The following CLEC16A variants were observed in gnomAD, a reference collection of about 807,000 sequenced individuals.
The protein encoded by CLEC16A is C-type lectin domain containing 16A.
A neutral mutation model predicts 109.5 loss-of-function variants in CLEC16A; 51 were observed. That is an observed-to-expected ratio of 0.47 (90% confidence interval 0.37 to 0.59). CLEC16A has a LOEUF of 0.59. CLEC16A is among the 20% of genes least tolerant of loss of function. CLEC16A has a pLI of 0.00. For synonymous variants in CLEC16A, 673 were observed against 564.2 expected (o/e 1.19, Z -2.73); for missense variants, 1,339 against 1,394.0 (o/e 0.96, Z 0.63).
chr16:11,107,494 G>C (rs2051293695), intron 19 of CLEC16A, among the ~76,000 whole-genome samples: 1 of 152,210 alleles, frequency 6.6e-6, no homozygotes, highest in Non-Finnish European at 1.5e-5. Flanking sequence ...GGATTGATTT[G>C]ACTGTCAGGA....
intron 22 of CLEC16A, among the ~76,000 whole-genome samples, chr16:11,146,732 G>A (rs1039971974): frequency 2.8e-4 from 42 of 147,826 alleles, no homozygotes; most frequent in African/African-American, 9.2e-4. Context: ...GGATAGAGGT[G>A]CAGGAATGGA....
rs1197455241 is a variant in CLEC16A at position 11,043,987 on chromosome 16, A to G, written c.1771-41A>G. 4 of 1,560,720 alleles carry G rather than the reference A, an allele frequency of 2.6e-6. No individual in the cohort carries two copies. The South Asian group carries it at 3.6e-5, about 14-fold the overall frequency. On this transcript the variant is annotated intron_variant, in intron 15 of 23. Transcript: ENST00000409790. The stretch of plus-strand genomic sequence containing the variant: ...TAGTTTGCCCGACTTGCTCACCTAT[A>G]TGAGACCTGCCTCCTTCACACCTTC...
chr16:11,025,945 A>G (rs558543952), intron 13 of CLEC16A, among the ~76,000 whole-genome samples: 1 of 152,318 alleles, frequency 6.6e-6, no homozygotes, highest in East Asian at 1.9e-4. Context: ...TATTTGTATG[A>G]CTGCCCACTT....
At chr16:11,169,842 G>A (rs770103792) in intron 23 of CLEC16A, among the ~76,000 whole-genome samples, 2 of 152,226 alleles carry the variant, frequency 1.3e-5, no homozygotes, top group African/African-American at 2.4e-5. Flanking sequence ...TGCACCTGCT[G>A]TGTGGCGTCC....
intron 19 of CLEC16A, among the ~76,000 whole-genome samples, chr16:11,111,675 C>G (rs933679561): frequency 2.6e-5 from 4 of 152,216 alleles, no homozygotes; most frequent in African/African-American, 9.6e-5. Flanking sequence ...GAGAAGGTCT[C>G]AGATTCAGAC....
chr16:11,097,237 G>C (rs904060970), intron 19 of CLEC16A, among the ~76,000 whole-genome samples: 1 of 152,216 alleles, frequency 6.6e-6, no homozygotes, highest in Non-Finnish European at 1.5e-5. Flanking sequence ...GGCTGTCCCA[G>C]TGTGAGCAGC....
chr16:11,170,146 G>A (rs753490649), intron 23 of CLEC16A, among the ~76,000 whole-genome samples: 5 of 152,178 alleles, frequency 3.3e-5, no homozygotes, highest in African/African-American at 4.8e-5. Context: ...CCCGGGCCCC[G>A]ATCTGGATCC....
intron 10 of CLEC16A, among the ~76,000 whole-genome samples, chr16:10,998,952 C>T (rs545626382): frequency 1.3e-5 from 2 of 152,160 alleles, no homozygotes; most frequent in Admixed American, 1.3e-4. Context: ...TTCTACCAGC[C>T]TCTGCATGCT....
At chr16:10,975,674 G>A (rs142109278) in intron 7 of CLEC16A, among the ~76,000 whole-genome samples, 1 of 152,122 alleles carries the variant, frequency 6.6e-6, no homozygotes, top group Non-Finnish European at 1.5e-5. Flanking sequence ...TTGAGATGGA[G>A]TCTTGCTCTG....
In CLEC16A at chr16:11,070,369, C is replaced by CT. The variant is rs770922338; in HGVS notation, c.2116+9362dup. On this transcript the variant is annotated intron_variant, in intron 19 of 23. Transcript: ENST00000409790. ...ACAGGCGTGAGCCACTGCACCCGGC[C>CT]TTTTTTTTTTTTTTTAAGCTAGAGA... is the stretch of plus-strand genomic sequence containing the variant. Among the ~76,000 whole-genome samples, 334 of 142,540 alleles carry CT rather than the reference C, an allele frequency of 2.3e-3. 2 individuals are homozygous for CT. Among genetic ancestry groups the CT allele is most frequent in the East Asian group, 8.1e-3 (40 of 4,924 alleles). The allele number at this position is 142,540 out of a possible 152,430, so 93.5% of individuals were successfully genotyped here. A position where few individuals can be genotyped will look rare whatever the true frequency, so the allele number is the denominator to read the frequency against.
At chr16:10,952,953 A>T (rs1203433593) in intron 1 of CLEC16A, among the ~76,000 whole-genome samples, 2 of 152,262 alleles carry the variant, frequency 1.3e-5, no homozygotes, top group Non-Finnish European at 2.9e-5. Context: ...TAAATATGTC[A>T]GTTCTCTCCA....
rs111616636 is a variant in CLEC16A at position 11,079,050 on chromosome 16, C to T, written c.2116+18028C>T. On this transcript the variant is annotated intron_variant, in intron 19 of 23. Transcript: ENST00000409790. ...CGTAATAGGTTGGGCCTCCTGGATG[C>T]TCCCCAGCCCTGCAGCCCTGCAGCC... 1.3e-5 allele frequency among the ~76,000 whole-genome samples: 2 copies of T among 152,282 alleles called. 1 individual carries two copies. Among genetic ancestry groups the T allele is most frequent in the South Asian group, 4.1e-4 (2 of 4,824 alleles).
At chr16:11,091,075 C>T (rs1457818187) in intron 19 of CLEC16A, among the ~76,000 whole-genome samples, 1 of 152,166 alleles carries the variant, frequency 6.6e-6, no homozygotes, top group African/African-American at 2.4e-5. Context: ...GTTGGGATTA[C>T]AGGCGTGAGC....
At chr16:11,116,438 A>G (rs1225857328) in intron 19 of CLEC16A, among the ~76,000 whole-genome samples, 1 of 152,028 alleles carries the variant, frequency 6.6e-6, no homozygotes, top group African/African-American at 2.4e-5. Context: ...AGTAAAGCCT[A>G]TCTGGAGCTG....
chr16:11,132,385 G>A (rs1219139694), intron 22 of CLEC16A, among the ~76,000 whole-genome samples: 1 of 151,952 alleles, frequency 6.6e-6, no homozygotes, highest in Non-Finnish European at 1.5e-5. Context: ...TGTTTTCAAG[G>A]TGCATCTATC....
At chr16:11,084,540 C>T (rs925705498) in intron 19 of CLEC16A, among the ~76,000 whole-genome samples, 23 of 152,224 alleles carry the variant, frequency 1.5e-4, no homozygotes, top group Admixed American at 3.3e-4. Flanking sequence ...ACTCCAGGGC[C>T]CTAGAGGAAG....
At chr16:10,948,913 A>G (rs2041576531) in intron 1 of CLEC16A, among the ~76,000 whole-genome samples, 1 of 152,218 alleles carries the variant, frequency 6.6e-6, no homozygotes, top group Admixed American at 6.5e-5. Flanking sequence ...TATTGCCAGC[A>G]GAAGTCCAGA....
intron 4 of CLEC16A, 47 bp downstream of exon 4, chr16:10,969,356 G>GA: frequency 7.5e-7 from 1 of 1,325,182 alleles, no homozygotes; most frequent in Non-Finnish European, 1.0e-6. Context: ...GCCACACGTG[G>GA]CTTTTTTTTT....
At chr16:10,978,219 G>C (rs769350156) in intron 8 of CLEC16A, among the ~76,000 whole-genome samples, 1 of 152,182 alleles carries the variant, frequency 6.6e-6, no homozygotes, top group Non-Finnish European at 1.5e-5. Flanking sequence ...CCAGGAATCT[G>C]CATGTCTCAC....
Sources: gnomAD v4.1 joint callset for allele counts (sites outside exome capture counted in the v4.1 genomes callset) on GRCh38, gnomAD v4.1.1 for gene constraint, MANE v1.5 for transcripts, NCBI Gene and HGNC (gene_info 2026-07-23, HGNC 2026-07-21) for gene names.